The following ARSL variants were observed in gnomAD, a reference collection of about 807,000 sequenced individuals.
ARSL encodes the protein arylsulfatase E (chondrodysplasia punctata 1).
A neutral mutation model predicts 31.1 loss-of-function variants in ARSL; 4 were observed. The ratio of observed to expected loss-of-function variants is 0.13; its 90% CI spans 0.06 to 0.29. The LOEUF (loss-of-function observed/expected upper bound fraction) is 0.29, where lower values mean the gene tolerates loss of function less well. ARSL is among the 10% of genes least tolerant of loss of function. The pLI, the probability that ARSL is intolerant of heterozygous loss-of-function variation, is 1.00. For synonymous variants in ARSL, 198 were observed against 209.9 expected (o/e 0.94, Z 0.49); for missense variants, 312 against 497.8 (o/e 0.63, Z 3.55).
At chrX:2,962,387 G>A (rs952554557) in intron 1 of ARSL, among the ~76,000 whole-genome samples, 4 of 112,248 alleles carry the variant, frequency 3.6e-5, no homozygotes, top group Non-Finnish European at 7.5e-5. Context: ...GAGTAACCAG[G>A]GGAGTGACCT....
At chrX:2,948,367 T>C (rs1016144103) in intron 6 of ARSL, among the ~76,000 whole-genome samples, 2 of 110,885 alleles carry the variant, frequency 1.8e-5, no homozygotes, top group Admixed American at 1.9e-4. Flanking sequence ...CTTCTGAAGA[T>C]AGACTTTTTT....
intron 4 of ARSL, 108 bp downstream of exon 4, chrX:2,955,308 C>A: frequency 1.0e-6 from 1 of 979,443 alleles, no homozygotes; most frequent in Non-Finnish European, 1.4e-6. Flanking sequence ...GAGAGAACAC[C>A]CCCCAGTCTC....
intron 3 of ARSL, among the ~76,000 whole-genome samples, chrX:2,957,451 G>A (rs1214821565): frequency 9.1e-6 from 1 of 110,253 alleles, no homozygotes; most frequent in African/African-American, 3.3e-5. Flanking sequence ...GCTCACACCT[G>A]TAGTCCCAGC....
intron 6 of ARSL, among the ~76,000 whole-genome samples, chrX:2,947,245 A>G (rs1182474220): frequency 9.0e-6 from 1 of 111,478 alleles, no homozygotes; most frequent in Non-Finnish European, 1.9e-5. Context: ...TCCCCCCCGA[A>G]TATTATAATG....
At chrX:2,961,992 T>C (rs908647216) in intron 1 of ARSL, among the ~76,000 whole-genome samples, 1 of 110,114 alleles carries the variant, frequency 9.1e-6, no homozygotes, top group Non-Finnish European at 1.9e-5. Flanking sequence ...GTGATTCTCC[T>C]GCCTCAGCCT....
intron 5 of ARSL, among the ~76,000 whole-genome samples, chrX:2,951,248 G>T (rs2089455975): frequency 2.7e-5 from 3 of 111,475 alleles, no homozygotes; most frequent in Non-Finnish European, 5.6e-5. Context: ...TCTGGACTTT[G>T]GAATTGTTCT....
intron 7 of ARSL, among the ~76,000 whole-genome samples, chrX:2,944,023 A>T (rs2089321629): frequency 9.1e-6 from 1 of 109,867 alleles, no homozygotes; most frequent in African/African-American, 3.3e-5. Context: ...TACAAATAAT[A>T]AAAAAATTAG....
chrX:2,950,567 G>A lies in ARSL; in HGVS notation c.431-840C>T, dbSNP rs757853484. 3.6e-5 allele frequency among the ~76,000 whole-genome samples: 4 copies of A among 111,272 alleles called. No individual in the cohort carries two copies. In the South Asian group the frequency reaches 1.5e-3, roughly 43 times the overall value. On this transcript the variant is annotated intron_variant, in intron 5 of 10. Coordinates refer to ENST00000381134, the MANE Select transcript of ARSL (RefSeq NM_000047.3). ...ACACTGTTCTCATGGTAGTGAATGA[G>A]TCTCACAAGATCTGATGGTTTTATA...
Position 2,955,664 on chromosome X carries a change from G to T in ARSL, c.186-127C>A, listed in dbSNP as rs2089514962. ...AGTGCTTCAAGATGTTCTCAGGAAT[G>T]ACCCAAAGGTAATGTCAAAGATTTC... On this transcript the variant is annotated intron_variant, in intron 3 of 10. Coordinates refer to ENST00000381134, the MANE Select transcript of ARSL (RefSeq NM_000047.3). 3 of 790,796 alleles carry T rather than the reference G, an allele frequency of 3.8e-6. No individual in the cohort carries two copies. The East Asian group carries it at 1.0e-4, about 27-fold the overall frequency. 65.2% of individuals were successfully genotyped at this position (790,796 alleles called of 1,213,427 possible).
rs3753140 is a variant in ARSL, at chrX:2,944,193, T to C, written c.992-994A>G. Among the ~76,000 whole-genome samples the C allele has an allele frequency of 4.4e-3, 474 of 107,793 alleles. 6 individuals carry two copies. Among genetic ancestry groups the C allele is most frequent in the Admixed American group, 0.028 (279 of 9,980 alleles). The allele number at this position is 107,793 out of a possible 115,157, so 93.6% of individuals were successfully genotyped here. A position where few individuals can be genotyped will look rare whatever the true frequency, so the allele number is the denominator to read the frequency against. ...CCTGTCGGCCAGGCGCAGTGGCTCATCCCTGTAATCCCAGCACTTTGGGAG... is the reference window on the plus strand; with the variant it reads ...CCTGTCGGCCAGGCGCAGTGGCTCACCCCTGTAATCCCAGCACTTTGGGAG... On this transcript the variant is annotated intron_variant, in intron 7 of 10. Transcript: ENST00000381134.
intron 7 of ARSL, among the ~76,000 whole-genome samples, chrX:2,944,201 A>C (rs1045829001): frequency 1.8e-5 from 2 of 109,216 alleles, no homozygotes; most frequent in Middle Eastern, 4.7e-3. Context: ...CATCCCTGTA[A>C]TCCCAGCACT....
upstream of ARSL, among the ~76,000 whole-genome samples, chrX:2,964,931 C>A (rs1366956877): frequency 9.1e-6 from 1 of 110,460 alleles, no homozygotes; most frequent in Non-Finnish European, 1.9e-5. Context: ...ATAGCAAGAC[C>A]CTGTCTCTAT....
intron 1 of ARSL, among the ~76,000 whole-genome samples, chrX:2,963,994 C>T (rs2089674734): frequency 8.9e-6 from 1 of 111,822 alleles, no homozygotes; most frequent in Admixed American, 9.5e-5. Flanking sequence ...TGACCCAGAG[C>T]ATGGGGCCTG....
chrX:2,942,617 A>G (rs1397759565), intron 8 of ARSL, among the ~76,000 whole-genome samples: 5 of 112,009 alleles, frequency 4.5e-5, no homozygotes, highest in Non-Finnish European at 9.4e-5. Flanking sequence ...GATTAAGTCA[A>G]TTTACTTAGT....
chrX:2,967,373 A>T (rs557814051), upstream of ARSL, among the ~76,000 whole-genome samples: 2 of 112,104 alleles, frequency 1.8e-5, no homozygotes, highest in South Asian at 7.4e-4. Context: ...ATTTTGGTCC[A>T]GATTTAATTT....
In ARSL at chrX:2,953,249, A is replaced by G. The variant is rs138557520; in HGVS notation, c.324T>C (p.Ile108=). ...YPVRSGMVSS[I]GYRVLQWTGA... is the part of the protein sequence containing the mutation. ...CGGTCCACTGAAGAACACGGTAACC[A>G]ATGCTGGAAACCATCCCTTTGAGCA... is the stretch of plus-strand genomic sequence containing the variant. The change falls in exon 5 of 11, where the codon ATT becomes ATC. Residue 108 remains isoleucine, a synonymous_variant. Transcript: ENST00000381134. 1 of 1,210,189 alleles carries G rather than the reference A, an allele frequency of 8.3e-7. No individual in the cohort carries two copies. The highest frequency in any genetic ancestry group is 1.1e-6 in the Non-Finnish European group (1 of 894,364).
rs753653541 is a variant in ARSL at position 2,946,104 on chromosome X, A to G, written c.885T>C (p.Val295=). 9.9e-6 allele frequency: 12 copies of G among 1,211,021 alleles called. No homozygotes were observed. The highest frequency in any genetic ancestry group is 1.2e-5 in the Non-Finnish European group (11 of 895,181). Reference sequence around the variant, plus strand: ...GAGGGATGTGAACGTGTAGAAAGGAAACAAAGAGGAGGAAAGGCCCATGCT... The same window carrying G: ...GAGGGATGTGAACGTGTAGAAAGGAGACAAAGAGGAGGAAAGGCCCATGCT... ...RNKHGPFLLF[V]SFLHVHIPLI... The change falls in exon 7 of 11, where the codon GTT becomes GTC. Residue 295 remains valine (V), a synonymous_variant. Transcript: ENST00000381134.
At chrX:2,935,297 C>T (rs1239862570) in intron 10 of ARSL, 107 bp from the exon 11 acceptor site, 11 of 723,538 alleles carry the variant, frequency 1.5e-5, no homozygotes, top group South Asian at 2.3e-5. Flanking sequence ...AAGCGTCCAT[C>T]GATGGATGGA....
rs73632982 is a variant in ARSL, at chrX:2,938,938, C to T, written c.1127-681G>A. 6.6e-3 allele frequency among the ~76,000 whole-genome samples: 719 copies of T among 109,751 alleles called. 6 individuals are homozygous for T. Among genetic ancestry groups the T allele is most frequent in the African/African-American group, 0.022 (662 of 30,060 alleles). On this transcript the variant is annotated intron_variant, in intron 8 of 10. Transcript: ENST00000381134. ...GAGACTGGAGTGATGCGGCCACAAGCCCAGGGATGCCTGGAGCCCCCGGTA... is the reference window on the plus strand; with the variant it reads ...GAGACTGGAGTGATGCGGCCACAAGTCCAGGGATGCCTGGAGCCCCCGGTA...
Sources: allele counts gnomAD v4.1 joint callset (sites outside exome capture counted in the v4.1 genomes callset), GRCh38; gene constraint gnomAD v4.1.1; transcripts MANE v1.5; gene names NCBI Gene and HGNC (gene_info 2026-07-23, HGNC 2026-07-21).